Variants in WWP1 observed in about 807,000 individuals in gnomAD.
The protein encoded by WWP1 is NEDD4-like E3 ubiquitin-protein ligase WWP1.
Under a neutral mutation model 130.6 loss-of-function variants are expected in WWP1, and 49 were observed. The observed-to-expected ratio is 0.38, with a 90% confidence interval of 0.30 to 0.48. The LOEUF (loss-of-function observed/expected upper bound fraction) is 0.48, where lower values mean the gene tolerates loss of function less well. Ranked by LOEUF, WWP1 falls within the 20% of genes least tolerant of loss-of-function variation. The probability of loss-of-function intolerance (pLI) is 0.99; values close to 1 mark genes in which losing one functional copy is unlikely to be tolerated. For synonymous variants in WWP1, 332 were observed against 367.8 expected (o/e 0.90, Z 1.11); for missense variants, 809 against 1,100.6 (o/e 0.74, Z 3.75).
chr8:86,389,125 A>G (rs1825458220), intron 5 of WWP1, among the ~76,000 whole-genome samples: 1 of 151,924 alleles, frequency 6.6e-6, no homozygotes, highest in African/African-American at 2.4e-5. Flanking sequence ...TTAGGAAGAG[A>G]CATACAAAAC....
At chr8:86,387,066 A>G (rs763497035) in intron 5 of WWP1, 5 of 152,200 alleles carry the variant, frequency 3.3e-5, no homozygotes, top group Non-Finnish European at 7.3e-5. Flanking sequence ...CCCTTCCTAA[A>G]GACCCTAATT....
At chr8:86,457,113 G>A (rs1189638115) in intron 21 of WWP1, among the ~76,000 whole-genome samples, 1 of 151,766 alleles carries the variant, frequency 6.6e-6, no homozygotes, top group African/African-American at 2.4e-5. Context: ...CTAAGTTTGT[G>A]CATTTTATTG....
At chr8:86,383,413 A>G (rs1276036036) in intron 5 of WWP1, among the ~76,000 whole-genome samples, 1 of 152,224 alleles carries the variant, frequency 6.6e-6, no homozygotes, top group East Asian at 1.9e-4. Context: ...ATGTCAATAC[A>G]CTTCGAAATG....
chr8:86,390,855 T>C (rs555328087), intron 5 of WWP1, among the ~76,000 whole-genome samples: 1 of 152,306 alleles, frequency 6.6e-6, no homozygotes, highest in South Asian at 2.1e-4. Flanking sequence ...TGAGGTCATT[T>C]GTTCCTTTTC....
Position 86,467,012 on chromosome 8 carries a change from T to C in WWP1, c.*119T>C. On this transcript the variant is annotated 3_prime_UTR_variant, in exon 25 of 25. Transcript: ENST00000517970. ...AGTGAATTTTCCGAACCTCTCAAAG[T>C]ATGTTTTCCGTTCTTCCACAGAAAT... The C allele has an allele frequency of 1.4e-6, 1 of 704,754 alleles. No homozygotes were observed. The highest frequency in any genetic ancestry group is 2.4e-6 in the Non-Finnish European group (1 of 418,624). The allele number at this position is 704,754 out of a possible 1,614,324, so 43.7% of individuals were successfully genotyped here. A position where few individuals can be genotyped will look rare whatever the true frequency, so the allele number is the denominator to read the frequency against.
chr8:86,343,711 A>G (rs1822383797), intron 1 of WWP1, among the ~76,000 whole-genome samples: 1 of 152,102 alleles, frequency 6.6e-6, no homozygotes, highest in African/African-American at 2.4e-5. Flanking sequence ...AGTGTCTGTT[A>G]TAATTTTGAC....
chr8:86,435,761 T>A, intron 16 of WWP1, 57 bp downstream of exon 16: 1 of 1,545,192 alleles, frequency 6.5e-7, no homozygotes, highest in Non-Finnish European at 8.8e-7. Context: ...TCTGTGCATC[T>A]AAAGAAAGTC....
At chr8:86,397,506 A>C (rs1001280876) in intron 5 of WWP1, among the ~76,000 whole-genome samples, 2 of 152,184 alleles carry the variant, frequency 1.3e-5, no homozygotes, top group East Asian at 3.9e-4. Flanking sequence ...CACATTATTT[A>C]CTATGTACAT....
intron 9 of WWP1, 103 bp downstream of exon 9, chr8:86,411,977 G>C: frequency 8.8e-7 from 1 of 1,142,702 alleles, no homozygotes; most frequent in Non-Finnish European, 1.2e-6. Flanking sequence ...TCAGAACTTT[G>C]AAATCTAAGT....
chr8:86,431,161 ATATT>A (rs200341450), intron 12 of WWP1, among the ~76,000 whole-genome samples: 51,035 of 137,592 alleles, frequency 0.37, 10,275 homozygotes, highest in Middle Eastern at 0.46. Flanking sequence ...TATAGAATAT[ATATT>A]ATATTCTACA....
At chr8:86,432,634 T>A (rs1422416005) in intron 14 of WWP1, among the ~76,000 whole-genome samples, 1 of 151,634 alleles carries the variant, frequency 6.6e-6, no homozygotes, top group Non-Finnish European at 1.5e-5. Flanking sequence ...TGAGACGGAC[T>A]TTCGCTCCTG....
At chr8:86,367,266 A>C (rs926961830) in intron 1 of WWP1, among the ~76,000 whole-genome samples, 1 of 152,202 alleles carries the variant, frequency 6.6e-6, no homozygotes, top group African/African-American at 2.4e-5. Context: ...CTAGGCAGCC[A>C]ATAAGTATGT....
intron 1 of WWP1, 43 bp downstream of exon 1, chr8:86,342,973 G>T: frequency 3.4e-6 from 1 of 291,246 alleles, no homozygotes; most frequent in Non-Finnish European, 6.4e-6. Context: ...GAATGGGCAG[G>T]GCGGGAGGGG....
intron 5 of WWP1, among the ~76,000 whole-genome samples, chr8:86,382,709 A>G (rs142905480): frequency 2.8e-3 from 425 of 152,310 alleles, no homozygotes; most frequent in African/African-American, 9.6e-3. Context: ...CAAACCCGCA[A>G]AAAACCAGGG....
intron 9 of WWP1, among the ~76,000 whole-genome samples, chr8:86,412,834 T>C (rs1808667126): frequency 6.6e-6 from 1 of 152,056 alleles, no homozygotes; most frequent in Non-Finnish European, 1.5e-5. Flanking sequence ...CACTCTCCAT[T>C]ATTATTATTT....
chr8:86,458,973 G>A (rs6471350), intron 22 of WWP1, among the ~76,000 whole-genome samples: 150,840 of 150,926 alleles, frequency 1, 75,377 homozygotes, highest in Middle Eastern at 1. Context: ...TGATACATCC[G>A]TTCTTTATAA....
At chr8:86,459,153 C>A (rs1811626332) in intron 22 of WWP1, among the ~76,000 whole-genome samples, 1 of 151,612 alleles carries the variant, frequency 6.6e-6, no homozygotes, top group South Asian at 2.1e-4. Flanking sequence ...CCTCAGCACC[C>A]CCACTCCAAG....
At chr8:86,445,737 G>A (rs917123224) in intron 18 of WWP1, among the ~76,000 whole-genome samples, 3 of 152,022 alleles carry the variant, frequency 2.0e-5, no homozygotes, top group Admixed American at 2.0e-4. Flanking sequence ...TTTCCAACCT[G>A]CTTTTCAAAG....
chr8:86,431,283 G>T (rs1354235856), intron 12 of WWP1, 123 bp from the exon 13 acceptor site: 6 of 198,312 alleles, frequency 3.0e-5, no homozygotes, highest in African/African-American at 7.8e-5. Context: ...ATATATAAGG[G>T]ATACATATAT....
Sources: allele counts gnomAD v4.1 joint callset (sites outside exome capture counted in the v4.1 genomes callset), GRCh38; gene constraint gnomAD v4.1.1; transcripts MANE v1.5; gene names NCBI Gene and HGNC (gene_info 2026-07-23, HGNC 2026-07-21).